Variants in GBE1 observed in about 807,000 individuals in gnomAD.
GBE1 encodes 1,4-alpha-glucan-branching enzyme.
Under a neutral mutation model 88.8 loss-of-function variants are expected in GBE1, and 70 were observed. The ratio of observed to expected loss-of-function variants is 0.79; its 90% CI spans 0.65 to 0.96. GBE1 has a LOEUF of 0.96. Ranked by LOEUF, GBE1 falls within the 40% of genes least tolerant of loss-of-function variation. The pLI is 0.00. For missense variants in GBE1, 872 were observed against 871.0 expected (o/e 1.00, Z -0.01); for synonymous variants, 284 against 300.1 (o/e 0.95, Z 0.56).
In GBE1 at chr3:81,490,082, C is replaced by A; in HGVS notation, c.*325G>T. The A allele has an allele frequency of 7.7e-6, 2 of 259,266 alleles. No homozygotes were observed. The highest frequency in any genetic ancestry group is 1.5e-5 in the Non-Finnish European group (2 of 137,474). 16.1% of individuals were successfully genotyped at this position (259,266 alleles called of 1,614,324 possible). The stretch of plus-strand genomic sequence containing the variant: ...AAATAATCATACATGACAAATGATT[C>A]AAATTTGAATTTAAAAGGATCAAAT... On this transcript the variant is annotated 3_prime_UTR_variant, in exon 16 of 16. Coordinates refer to ENST00000429644, the MANE Select transcript of GBE1 (RefSeq NM_000158.4).
intron 9 of GBE1, among the ~76,000 whole-genome samples, chr3:81,589,078 T>C (rs767482243): frequency 3.3e-5 from 5 of 152,054 alleles, no homozygotes; most frequent in Non-Finnish European, 7.4e-5. Context: ...ATAAACATAC[T>C]CTAAATATAA....
At chr3:81,752,704 A>C (rs1706546268) in intron 1 of GBE1, among the ~76,000 whole-genome samples, 2 of 152,136 alleles carry the variant, frequency 1.3e-5, no homozygotes, top group East Asian at 3.9e-4. Flanking sequence ...ATTATGATTA[A>C]AATTACCACC....
chr3:81,677,995 T>C (rs1158824264), intron 2 of GBE1, among the ~76,000 whole-genome samples: 3 of 152,190 alleles, frequency 2.0e-5, no homozygotes, highest in Non-Finnish European at 4.4e-5. Context: ...TTCTGGAAAT[T>C]AGAAAATAAA....
chr3:81,658,913 C>T (rs1246280500), intron 3 of GBE1, among the ~76,000 whole-genome samples: 2 of 152,084 alleles, frequency 1.3e-5, no homozygotes, highest in Admixed American at 1.3e-4. Context: ...ATGTTGTAAT[C>T]ATGTAAAGAT....
chr3:81,551,064 G>A (rs972862381), intron 12 of GBE1, among the ~76,000 whole-genome samples: 1 of 152,050 alleles, frequency 6.6e-6, no homozygotes, highest in Non-Finnish European at 1.5e-5. Flanking sequence ...TGGTCTCCAC[G>A]TTCTCTCATG....
At chr3:81,574,447 T>C (rs1231725814) in intron 12 of GBE1, among the ~76,000 whole-genome samples, 1 of 152,162 alleles carries the variant, frequency 6.6e-6, no homozygotes, top group African/African-American at 2.4e-5. Context: ...GATGAAGGCA[T>C]AGTTGATGCA....
intron 1 of GBE1, among the ~76,000 whole-genome samples, chr3:81,729,388 A>G (rs1374248864): frequency 6.6e-6 from 1 of 152,158 alleles, no homozygotes; most frequent in Non-Finnish European, 1.5e-5. Flanking sequence ...TGCCTGCATA[A>G]GCTAGGAGTG....
intron 2 of GBE1, among the ~76,000 whole-genome samples, chr3:81,682,240 G>T (rs1705356572): frequency 6.6e-6 from 1 of 152,034 alleles, no homozygotes; most frequent in South Asian, 2.1e-4. Flanking sequence ...AGGCAGGAGG[G>T]TTGCTTGAGG....
At chr3:81,747,865 C>T (rs1706439183) in intron 1 of GBE1, among the ~76,000 whole-genome samples, 1 of 152,172 alleles carries the variant, frequency 6.6e-6, no homozygotes, top group Admixed American at 6.5e-5. Context: ...AACGGCCCCA[C>T]CCTTATCTCC....
intron 3 of GBE1, among the ~76,000 whole-genome samples, chr3:81,651,093 G>GT (rs1444663313): frequency 1.3e-5 from 2 of 152,162 alleles, no homozygotes; most frequent in African/African-American, 4.8e-5. Flanking sequence ...TGAGGAGAAC[G>GT]TATTCTTCAG....
chr3:81,750,592 T>C (rs1359972469), intron 1 of GBE1, among the ~76,000 whole-genome samples: 1 of 53,984 alleles, frequency 1.9e-5, no homozygotes, highest in Non-Finnish European at 3.3e-5. Context: ...TATATACGTA[T>C]ATATATATGT....
chr3:81,514,993 AT>A (rs1194449923), intron 14 of GBE1, among the ~76,000 whole-genome samples: 3 of 151,478 alleles, frequency 2.0e-5, no homozygotes, highest in Admixed American at 6.6e-5. Flanking sequence ...AATACAATTT[AT>A]TTTTTAAATA....
chr3:81,649,548 T>C (rs530138872), intron 4 of GBE1, among the ~76,000 whole-genome samples: 2 of 152,054 alleles, frequency 1.3e-5, no homozygotes, highest in East Asian at 1.9e-4. Flanking sequence ...GATTAGTATA[T>C]AGCAATTTAG....
At chr3:81,622,916 C>T (rs904887617) in intron 7 of GBE1, among the ~76,000 whole-genome samples, 5 of 152,194 alleles carry the variant, frequency 3.3e-5, no homozygotes, top group African/African-American at 1.2e-4. Flanking sequence ...TGCTACTGCA[C>T]TGATCTAAGA....
intron 2 of GBE1, among the ~76,000 whole-genome samples, chr3:81,685,711 A>AT (rs775939126): frequency 2.0e-5 from 3 of 151,144 alleles, no homozygotes; most frequent in Middle Eastern, 3.2e-3. Flanking sequence ...TCTTTTGTAC[A>AT]TTTTTTTTCT....
chr3:81,546,484 T>A (rs1331312144), intron 12 of GBE1, among the ~76,000 whole-genome samples: 1 of 151,612 alleles, frequency 6.6e-6, no homozygotes, highest in African/African-American at 2.4e-5. Flanking sequence ...GCATTCTAAG[T>A]CACAGAATGA....
chr3:81,541,406 T>TGCTTATAATC (rs1703141106), intron 12 of GBE1, among the ~76,000 whole-genome samples: 1 of 139,780 alleles, frequency 7.2e-6, no homozygotes, highest in Non-Finnish European at 1.6e-5. Context: ...AAAATTCACA[T>TGCTTATAATC]GCTTATAATC....
At chr3:81,519,551 A>G (rs1032381308) in intron 14 of GBE1, among the ~76,000 whole-genome samples, 2 of 150,532 alleles carry the variant, frequency 1.3e-5, no homozygotes, top group African/African-American at 4.9e-5. Context: ...ATTTATCTGT[A>G]TATACCAACA....
At chr3:81,631,809 C>CT (rs929196631) in intron 7 of GBE1, among the ~76,000 whole-genome samples, 4 of 151,400 alleles carry the variant, frequency 2.6e-5, no homozygotes, top group South Asian at 4.2e-4. Flanking sequence ...TTATATTTTA[C>CT]TTTTTTTATT....
Sources: gnomAD v4.1 joint callset for allele counts (sites outside exome capture counted in the v4.1 genomes callset) on GRCh38, gnomAD v4.1.1 for gene constraint, MANE v1.5 for transcripts, NCBI Gene and HGNC (gene_info 2026-07-23, HGNC 2026-07-21) for gene names.